The following SEC14L5 variants were observed in gnomAD, a reference collection of about 807,000 sequenced individuals.
The protein encoded by SEC14L5 is SEC14 like lipid binding 5.
SEC14L5 carries 96 observed loss-of-function variants against 84.6 expected under a neutral mutation model. That is an observed-to-expected ratio of 1.13 (90% confidence interval 0.96 to 1.34). The LOEUF (loss-of-function observed/expected upper bound fraction) is 1.34, where lower values mean the gene tolerates loss of function less well. SEC14L5 is among the 40% of genes most tolerant of loss of function. The pLI is 0.00. For missense variants in SEC14L5, 1,224 were observed against 942.5 expected (o/e 1.30, Z -3.91); for synonymous variants, 546 against 383.4 (o/e 1.42, Z -4.95).
chr16:4,992,150 G>C lies in SEC14L5; in HGVS notation c.667+120G>C. The C allele has an allele frequency of 4.5e-6, 3 of 665,158 alleles. No individual in the cohort carries two copies. In the East Asian group the frequency reaches 9.0e-5, roughly 20 times the overall value. The allele number at this position is 665,158 out of a possible 1,614,324, so 41.2% of individuals were successfully genotyped here. ...TGCCGTCCCCCCTGGGAATGGGTCT[G>C]GGTCTTGGAACGACACCGCCTCCTG... On this transcript the variant is annotated intron_variant, in intron 6 of 15. Transcript: ENST00000251170.
rs1431330340 is a variant in SEC14L5, at chr16:5,016,379, A to G, written c.*1409A>G. The G allele has an allele frequency of 6.6e-6, 1 of 152,178 alleles. No individual in the cohort carries two copies. Among genetic ancestry groups the G allele is most frequent in the African/African-American group, 2.4e-5 (1 of 41,442 alleles). 9.4% of individuals were successfully genotyped at this position (152,178 alleles called of 1,614,324 possible). Reference sequence around the variant, plus strand: ...TGCTTTTTTGCCTTTAGAATGGTTTAAAAATTGAGGCATTTCGCATCGAAA... The same window carrying G: ...TGCTTTTTTGCCTTTAGAATGGTTTGAAAATTGAGGCATTTCGCATCGAAA... On this transcript the variant is annotated 3_prime_UTR_variant, in exon 16 of 16. Transcript: ENST00000251170.
At chr16:4,984,287 A>G (rs760369057) in intron 2 of SEC14L5, among the ~76,000 whole-genome samples, 3 of 152,158 alleles carry the variant, frequency 2.0e-5, no homozygotes, top group Admixed American at 2.0e-4. Flanking sequence ...GATTCATGCA[A>G]TATATGGTAT....
At chr16:4,965,301 A>G (rs1955184393) in intron 2 of SEC14L5, among the ~76,000 whole-genome samples, 1 of 152,174 alleles carries the variant, frequency 6.6e-6, no homozygotes, top group Admixed American at 6.6e-5. Flanking sequence ...TGGGGGGACT[A>G]TTATAAATAG....
intron 15 of SEC14L5, among the ~76,000 whole-genome samples, chr16:5,014,287 G>A (rs78868460): frequency 0.016 from 2,506 of 152,268 alleles, 70 homozygotes; most frequent in African/African-American, 0.056. Context: ...GGTGCCTCAC[G>A]CCTGTAATCC....
In SEC14L5 at chr16:5,015,647, T is replaced by C. The variant is rs1288015372; in HGVS notation, c.*677T>C. 1.3e-5 allele frequency: 2 copies of C among 152,650 alleles called. No individual in the cohort carries two copies. Among genetic ancestry groups the C allele is most frequent in the Non-Finnish European group, 2.9e-5 (2 of 68,336 alleles). The allele number at this position is 152,650 out of a possible 1,614,324, so 9.5% of individuals were successfully genotyped here. A position where few individuals can be genotyped will look rare whatever the true frequency, so the allele number is the denominator to read the frequency against. The stretch of plus-strand genomic sequence containing the variant: ...CACTAGTGGGTGCCTCGAGGAGTAC[T>C]GGGGTCCCCCCTAAGAAGAAGGAGG... On this transcript the variant is annotated 3_prime_UTR_variant, in exon 16 of 16. Coordinates refer to ENST00000251170, the MANE Select transcript of SEC14L5 (RefSeq NM_014692.2).
chr16:5,007,730 C>T (rs1377762627), intron 13 of SEC14L5, among the ~76,000 whole-genome samples: 8 of 151,270 alleles, frequency 5.3e-5, no homozygotes, highest in East Asian at 1.9e-4. Context: ...CTCAGCCTCC[C>T]GAGTAGCTGG....
chr16:5,006,081 C>T, intron 12 of SEC14L5, 33 bp downstream of exon 12: 2 of 1,608,484 alleles, frequency 1.2e-6, no homozygotes, highest in Non-Finnish European at 1.7e-6. Context: ...CAGACCTGGG[C>T]TTGAGGAGGG....
At chr16:5,014,621 C>T (rs986663554) in intron 15 of SEC14L5, among the ~76,000 whole-genome samples, 1 of 152,228 alleles carries the variant, frequency 6.6e-6, no homozygotes, top group Non-Finnish European at 1.5e-5. Flanking sequence ...CATGCAAGGG[C>T]CTCAGGCCAG....
chr16:5,003,187 C>G (rs553108475), intron 10 of SEC14L5, among the ~76,000 whole-genome samples: 2 of 152,378 alleles, frequency 1.3e-5, no homozygotes, highest in African/African-American at 4.8e-5. Context: ...TGACCTAAGG[C>G]TCTCAGGGGT....
chr16:5,014,388 C>G (rs1034680054), intron 15 of SEC14L5, among the ~76,000 whole-genome samples: 1 of 152,202 alleles, frequency 6.6e-6, no homozygotes. Flanking sequence ...CGTCTCTATA[C>G]AAGAAAAGAA....
intron 15 of SEC14L5, among the ~76,000 whole-genome samples, chr16:5,013,421 C>G (rs1228541846): frequency 6.6e-6 from 1 of 152,018 alleles, no homozygotes; most frequent in Non-Finnish European, 1.5e-5. Context: ...GAGTCTCGCT[C>G]TGTTACCCAG....
intron 8 of SEC14L5, among the ~76,000 whole-genome samples, chr16:4,998,295 C>A (rs1053014872): frequency 3.3e-5 from 5 of 151,396 alleles, no homozygotes; most frequent in South Asian, 4.2e-4. Flanking sequence ...GAGTGAGCCA[C>A]TGCACCCAGG....
At chr16:4,967,138 C>T (rs1278944289) in intron 2 of SEC14L5, among the ~76,000 whole-genome samples, 2 of 152,160 alleles carry the variant, frequency 1.3e-5, no homozygotes, top group Admixed American at 6.5e-5. Context: ...AGTTCATTGC[C>T]TCACTGTTCT....
chr16:4,987,499 G>GAGT (rs1555529514), intron 2 of SEC14L5, 58 bp from the exon 3 acceptor site: 1 of 1,298,420 alleles, frequency 7.7e-7, no homozygotes, highest in Non-Finnish European at 1.0e-6. Flanking sequence ...GGTCGCGCTG[G>GAGT]GGGGGGGGGT....
chr16:4,977,078 G>A (rs1400026648), intron 2 of SEC14L5, among the ~76,000 whole-genome samples: 1 of 152,152 alleles, frequency 6.6e-6, no homozygotes, highest in Non-Finnish European at 1.5e-5. Flanking sequence ...GGGTGCCTGC[G>A]GCCCACAGTT....
At chr16:4,982,976 T>C (rs540986740) in intron 2 of SEC14L5, among the ~76,000 whole-genome samples, 7 of 152,158 alleles carry the variant, frequency 4.6e-5, no homozygotes, top group Admixed American at 4.6e-4. Context: ...TAAAATAAAC[T>C]CCTTAAACTA....
chr16:4,963,200 C>G (rs1955150848), intron 2 of SEC14L5, among the ~76,000 whole-genome samples: 1 of 152,210 alleles, frequency 6.6e-6, no homozygotes. Flanking sequence ...GGTAACCTTT[C>G]TAGACCTGGC....
chr16:4,959,198 C>G, intron 1 of SEC14L5, 75 bp from the exon 2 acceptor site: 1 of 730,672 alleles, frequency 1.4e-6, no homozygotes, highest in South Asian at 1.5e-5. Flanking sequence ...CAGGGGCTGC[C>G]CCTTACACTT....
At chr16:5,012,984 G>T (rs2142537926) in intron 15 of SEC14L5, among the ~76,000 whole-genome samples, 1 of 152,180 alleles carries the variant, frequency 6.6e-6, no homozygotes, top group South Asian at 2.1e-4. Flanking sequence ...GCATGACTGG[G>T]GAAGCCTCAG....
Sources: gnomAD v4.1 joint callset for allele counts (sites outside exome capture counted in the v4.1 genomes callset) on GRCh38, gnomAD v4.1.1 for gene constraint, MANE v1.5 for transcripts, NCBI Gene and HGNC (gene_info 2026-07-23, HGNC 2026-07-21) for gene names.